CA1: variants seen among roughly 807,000 people sequenced by gnomAD.
CA1 encodes carbonate dehydratase I.
Under a neutral mutation model 28.8 loss-of-function variants are expected in CA1, and 27 were observed. That is an observed-to-expected ratio of 0.94 (90% CI 0.69 to 1.29). CA1 has a LOEUF of 1.29. Among genes scored for constraint, CA1 ranks in the 50% most tolerant of loss-of-function variants. The pLI is 0.00. For missense variants in CA1, 335 were observed against 310.5 expected (o/e 1.08, Z -0.59); for synonymous variants, 121 against 108.8 (o/e 1.11, Z -0.70).
At chr8:85,376,705 AT>A (rs1810433215) in intron 1 of CA1, among the ~76,000 whole-genome samples, 1 of 149,624 alleles carries the variant, frequency 6.7e-6, no homozygotes, top group African/African-American at 2.5e-5. Flanking sequence ...AAATAAATAA[AT>A]AAAACTAGGT....
intron 1 of CA1, among the ~76,000 whole-genome samples, chr8:85,343,437 T>A (rs886872673): frequency 2.0e-5 from 3 of 152,126 alleles, no homozygotes; most frequent in African/African-American, 7.2e-5. Flanking sequence ...TGATTCTATT[T>A]TCTGGAGGAT....
intron 1 of CA1, among the ~76,000 whole-genome samples, chr8:85,365,471 A>G (rs1239157794): frequency 2.0e-5 from 3 of 152,204 alleles, no homozygotes; most frequent in African/African-American, 7.2e-5. Context: ...GGTAAAAGGA[A>G]TTTCTCACAT....
intron 4 of CA1, among the ~76,000 whole-genome samples, chr8:85,335,883 T>C (rs1436002118): frequency 6.6e-6 from 1 of 152,208 alleles, no homozygotes; most frequent in East Asian, 1.9e-4. Flanking sequence ...TTTATTTGTA[T>C]ACAATCTGCT....
intron 1 of CA1, 187 bp from the exon 2 acceptor site, chr8:85,341,846 A>G (rs1347810655): frequency 3.9e-6 from 2 of 506,458 alleles, no homozygotes; most frequent in Admixed American, 3.4e-5. Flanking sequence ...TACAAGGGCT[A>G]TGTTAGTTTC....
At chr8:85,366,026 C>T (rs1809992057) in intron 1 of CA1, among the ~76,000 whole-genome samples, 1 of 152,156 alleles carries the variant, frequency 6.6e-6, no homozygotes, top group Admixed American at 6.5e-5. Flanking sequence ...AGAAAAGTTG[C>T]CTTTGCCAAT....
chr8:85,345,836 G>A (rs957062055), intron 1 of CA1, among the ~76,000 whole-genome samples: 9 of 152,030 alleles, frequency 5.9e-5, no homozygotes, highest in African/African-American at 2.2e-4. Flanking sequence ...GTCATTACTG[G>A]GAGAATGAGA....
chr8:85,340,978 A>C (rs1421748020), intron 2 of CA1: 1 of 152,442 alleles, frequency 6.6e-6, no homozygotes, highest in East Asian at 1.9e-4. Context: ...CCCCATCTCT[A>C]CTAAAAATAC....
intron 6 of CA1, among the ~76,000 whole-genome samples, 159 bp from the exon 7 acceptor site, chr8:85,330,003 G>A (rs904637169): frequency 6.6e-6 from 1 of 152,046 alleles, no homozygotes; most frequent in Non-Finnish European, 1.5e-5. Context: ...TGGCGTGTTT[G>A]TGGATATAAA....
chr8:85,345,542 C>A (rs1809143864), intron 1 of CA1, among the ~76,000 whole-genome samples: 1 of 152,006 alleles, frequency 6.6e-6, no homozygotes, highest in Non-Finnish European at 1.5e-5. Flanking sequence ...CTATAATATG[C>A]CTGGAAAACA....
chr8:85,332,003 G>A (rs1246336333), intron 6 of CA1, among the ~76,000 whole-genome samples: 1 of 151,938 alleles, frequency 6.6e-6, no homozygotes, highest in African/African-American at 2.4e-5. Flanking sequence ...CTGATTTATG[G>A]TTTAACTGCT....
chr8:85,362,044 T>G (rs533120942), intron 1 of CA1, among the ~76,000 whole-genome samples: 1 of 152,288 alleles, frequency 6.6e-6, no homozygotes, highest in East Asian at 1.9e-4. Flanking sequence ...AAATCCAAAA[T>G]ACGTTTTTGG....
In CA1 at chr8:85,369,885, G is replaced by A. The variant is rs138310839; in HGVS notation, c.-25+8161C>T. On this transcript the variant is annotated intron_variant, in intron 1 of 7. Coordinates refer to ENST00000523022, the MANE Select transcript of CA1 (RefSeq NM_001128831.4). ...AACTGTTATAGTCCTGGACTTGTAT[G>A]TAGAGGATAGGATTACAGTTCAACA... is the stretch of plus-strand genomic sequence containing the variant. Among the ~76,000 whole-genome samples, 51 of 152,318 alleles carry A rather than the reference G, an allele frequency of 3.3e-4. 1 individual carries two copies. The East Asian group carries it at 8.7e-3, about 26-fold the overall frequency.
chr8:85,332,611 A>C (rs1808455742), intron 5 of CA1, 59 bp from the exon 6 acceptor site: 1 of 1,314,158 alleles, frequency 7.6e-7, no homozygotes, highest in Non-Finnish European at 1.1e-6. Flanking sequence ...AACACTGCTT[A>C]GCTAAATTTT....
intron 4 of CA1, among the ~76,000 whole-genome samples, chr8:85,336,331 C>T (rs1021549553): frequency 3.3e-5 from 5 of 152,144 alleles, no homozygotes. Flanking sequence ...AGCAAAATTT[C>T]TCACATTTTA....
At chr8:85,337,092 C>G in intron 3 of CA1, 29 bp from the exon 4 acceptor site, 1 of 1,190,922 alleles carries the variant, frequency 8.4e-7, no homozygotes, top group Non-Finnish European at 1.3e-6. Context: ...GATTGTTAGC[C>G]TGATGCTCCA....
At chr8:85,364,812 T>A (rs1173302814) in intron 1 of CA1, among the ~76,000 whole-genome samples, 1 of 152,176 alleles carries the variant, frequency 6.6e-6, no homozygotes, top group African/African-American at 2.4e-5. Flanking sequence ...AAGTTTCAAT[T>A]TTTAATAGCT....
intron 1 of CA1, among the ~76,000 whole-genome samples, chr8:85,350,372 G>A (rs1347839671): frequency 2.6e-5 from 4 of 152,178 alleles, no homozygotes; most frequent in African/African-American, 9.7e-5. Flanking sequence ...TGACTTGAAA[G>A]GCGCTGCATT....
chr8:85,328,632 G>A lies in CA1; in HGVS notation c.714C>T (p.Asn238=), dbSNP rs146043953. ...RSLLSNVEGD[N]AVPMQHNNRP... Reference sequence around the variant, plus strand: ...GGTTGTTGTGCTGCATGGGGACAGCGTTATCACCTTCAACATTTGATAGAA... The same window carrying A: ...GGTTGTTGTGCTGCATGGGGACAGCATTATCACCTTCAACATTTGATAGAA... The change falls in exon 8 of 8, where the codon AAC becomes AAT. Residue 238 remains asparagine, a synonymous_variant. Coordinates refer to ENST00000523022, the MANE Select transcript of CA1 (RefSeq NM_001128831.4). 1.2e-4 allele frequency: 190 copies of A among 1,610,770 alleles called. No individual in the cohort carries two copies. The highest frequency in any genetic ancestry group is 1.6e-4 in the Non-Finnish European group (183 of 1,177,762).
chr8:85,333,037 T>C (rs1008501241), intron 5 of CA1, among the ~76,000 whole-genome samples: 2 of 152,286 alleles, frequency 1.3e-5, no homozygotes, highest in East Asian at 3.9e-4. Flanking sequence ...TATAGAGGAT[T>C]TGAGCAACAT....
Sources: gnomAD v4.1 joint callset for allele counts (sites outside exome capture counted in the v4.1 genomes callset) on GRCh38, gnomAD v4.1.1 for gene constraint, MANE v1.5 for transcripts, NCBI Gene and HGNC (gene_info 2026-07-23, HGNC 2026-07-21) for gene names.